The following STOX2 variants were observed in gnomAD, a reference collection of about 807,000 sequenced individuals.
STOX2 encodes storkhead box 2.
A neutral mutation model predicts 60.9 loss-of-function variants in STOX2; 28 were observed. That is an observed-to-expected ratio of 0.46 (90% confidence interval 0.34 to 0.63). The LOEUF is 0.63. STOX2 is among the 30% of genes least tolerant of loss of function. The pLI is 0.01. For missense variants in STOX2, 1,024 were observed against 1,187.7 expected (o/e 0.86, Z 2.03); for synonymous variants, 472 against 463.9 (o/e 1.02, Z -0.22).
chr4:183,907,918 G>A (rs550826653), intron 1 of STOX2, among the ~76,000 whole-genome samples: 1 of 152,314 alleles, frequency 6.6e-6, no homozygotes, highest in South Asian at 2.1e-4. Context: ...TAAGCACACT[G>A]TAATGGAAGA....
At chr4:183,889,943 A>C (rs1741167863) in intron 1 of STOX2, among the ~76,000 whole-genome samples, 1 of 152,236 alleles carries the variant, frequency 6.6e-6, no homozygotes, top group Non-Finnish European at 1.5e-5. Context: ...ATACAAGAAA[A>C]AGCGAGCTAC....
chr4:183,886,455 A>G (rs1167375035), intron 1 of STOX2, among the ~76,000 whole-genome samples: 1 of 152,214 alleles, frequency 6.6e-6, no homozygotes, highest in Non-Finnish European at 1.5e-5. Flanking sequence ...TTTCAGTAAT[A>G]CAGACTGAGA....
chr4:183,841,007 A>C (rs528937008), intron 1 of STOX2, among the ~76,000 whole-genome samples: 1 of 152,204 alleles, frequency 6.6e-6, no homozygotes, highest in Admixed American at 6.5e-5. Flanking sequence ...AGCTGGGATT[A>C]CAGGTGCACA....
At chr4:183,999,361 C>T (rs866471789) in intron 1 of STOX2, among the ~76,000 whole-genome samples, 1 of 152,196 alleles carries the variant, frequency 6.6e-6, no homozygotes, top group Non-Finnish European at 1.5e-5. Context: ...GAGGGTGTCT[C>T]TTTATGATGC....
chr4:183,820,586 TGA>T (rs1739283251), intron 1 of STOX2, among the ~76,000 whole-genome samples: 2 of 152,216 alleles, frequency 1.3e-5, no homozygotes, highest in African/African-American at 4.8e-5. Context: ...CTTTGAGTTT[TGA>T]GTAAATTTCT....
At chr4:183,801,777 CA>C (rs1738769324) in intron 1 of STOX2, among the ~76,000 whole-genome samples, 1 of 151,872 alleles carries the variant, frequency 6.6e-6, no homozygotes, top group Non-Finnish European at 1.5e-5. Flanking sequence ...GGGAGAGGGC[CA>C]GATGTGAAGA....
chr4:183,818,689 C>T (rs930667595), intron 1 of STOX2, among the ~76,000 whole-genome samples: 17 of 146,158 alleles, frequency 1.2e-4, no homozygotes, highest in East Asian at 2.1e-4. Context: ...GAGGCGCCCC[C>T]CACCTCCCGG....
Position 184,001,251 on chromosome 4 carries a change from C to G in STOX2, c.167-74C>G. ...GTTCGTCAGACCAGGGCCAGATGGA[C>G]GCGTGAAGGCGTGTGTCTGACAGAT... On this transcript the variant is annotated intron_variant, in intron 1 of 3. Transcript: ENST00000308497. The surrounding 1 kb of genome is among the most constrained non-coding windows in gnomAD (Gnocchi z 4.2). The G allele has an allele frequency of 6.8e-7, 1 of 1,459,914 alleles. No homozygotes were observed. Among genetic ancestry groups the G allele is most frequent in the South Asian group, 1.2e-5 (1 of 81,428 alleles). 90.4% of individuals were successfully genotyped at this position (1,459,914 alleles called of 1,614,324 possible). A position where few individuals can be genotyped will look rare whatever the true frequency, so the allele number is the denominator to read the frequency against.
At chr4:183,853,384 A>G (rs901598698) in intron 1 of STOX2, 1 of 152,182 alleles carries the variant, frequency 6.6e-6, no homozygotes, top group Admixed American at 6.5e-5. Flanking sequence ...ACTTGCCCAG[A>G]CAAGTCGTTC....
chr4:183,897,635 T>C (rs1167625963), intron 1 of STOX2, among the ~76,000 whole-genome samples: 1 of 152,216 alleles, frequency 6.6e-6, no homozygotes, highest in Non-Finnish European at 1.5e-5. Flanking sequence ...CTTGAGAGCT[T>C]GATAAAAGAG....
In STOX2 at chr4:183,836,253, T is replaced by C. The variant is rs1026526873; in HGVS notation, c.364+38198T>C. On this transcript the variant is annotated intron_variant, in intron 1 of 2. Transcript: ENST00000513034. This position sits in a 1 kb window ranked among gnomAD's most constrained non-coding sequence, Gnocchi z 4.1. ...TTTGGACTCTCCTTCTCCTGGCTTG[T>C]GGAGATTGCTTTATCCTCTGAGGTT... 6.6e-5 allele frequency among the ~76,000 whole-genome samples: 10 copies of C among 152,222 alleles called. No homozygotes were observed. The highest frequency in any genetic ancestry group is 2.6e-4 in the Admixed American group (4 of 15,282).
intron 1 of STOX2, among the ~76,000 whole-genome samples, chr4:183,911,028 G>A (rs778213984): frequency 1.8e-4 from 28 of 152,178 alleles, no homozygotes; most frequent in Admixed American, 1.5e-3. Flanking sequence ...TGTCCCTGGC[G>A]AGTAATATGA....
chr4:183,878,166 A>G (rs1740875319), intron 1 of STOX2, among the ~76,000 whole-genome samples: 1 of 152,212 alleles, frequency 6.6e-6, no homozygotes, highest in African/African-American at 2.4e-5. Context: ...CAGGAGATCT[A>G]AGAAGAGCTT....
Position 183,821,346 on chromosome 4 carries a change from G to A in STOX2, c.364+23291G>A, listed in dbSNP as rs754380460. 4.6e-5 allele frequency among the ~76,000 whole-genome samples: 7 copies of A among 152,228 alleles called. No individual in the cohort carries two copies. Among genetic ancestry groups the A allele is most frequent in the Non-Finnish European group, 1.0e-4 (7 of 68,044 alleles). On this transcript the variant is annotated intron_variant, in intron 1 of 2. Transcript: ENST00000513034. The surrounding 1 kb of genome is among the most constrained non-coding windows in gnomAD (Gnocchi z 4.2). ...TTCCTCCCTGTCTTAATAGGTGGAA[G>A]CCTGTGCTAGCAGGTAGAGGATCTT...
intron 1 of STOX2, among the ~76,000 whole-genome samples, chr4:183,899,011 T>C (rs1029231488): frequency 2.0e-5 from 3 of 152,232 alleles, no homozygotes; most frequent in African/African-American, 7.2e-5. Context: ...TACGTCTCTG[T>C]GTCACATTGT....
chr4:183,910,469 C>G (rs530487956), intron 1 of STOX2, among the ~76,000 whole-genome samples: 3 of 152,186 alleles, frequency 2.0e-5, no homozygotes, highest in Non-Finnish European at 4.4e-5. Context: ...GCTCTTCACA[C>G]GAATGATGCT....
At chr4:183,932,510 T>G (rs1156442421) in intron 1 of STOX2, among the ~76,000 whole-genome samples, 1 of 151,836 alleles carries the variant, frequency 6.6e-6, no homozygotes, top group Admixed American at 6.6e-5. Flanking sequence ...GTATACACAT[T>G]AATGGTGTAT....
At chr4:183,919,978 G>A (rs1041662913) in intron 1 of STOX2, among the ~76,000 whole-genome samples, 3 of 152,020 alleles carry the variant, frequency 2.0e-5, no homozygotes, top group Admixed American at 2.0e-4. Context: ...AGTCCTCACA[G>A]CAATCCTGCA....
chr4:183,942,392 T>C (rs1225198531), intron 1 of STOX2, among the ~76,000 whole-genome samples: 1 of 151,376 alleles, frequency 6.6e-6, no homozygotes, highest in Admixed American at 6.6e-5. Flanking sequence ...AAACAAAACT[T>C]GGATGAACAC....
Sources: allele counts gnomAD v4.1 joint callset (sites outside exome capture counted in the v4.1 genomes callset), GRCh38; gene constraint gnomAD v4.1.1; non-coding constraint Gnocchi (gnomAD v3.1); transcripts MANE v1.5; gene names NCBI Gene and HGNC (gene_info 2026-07-23, HGNC 2026-07-21).